ADGRB1: variants seen among roughly 807,000 people sequenced by gnomAD.
The protein encoded by ADGRB1 is adhesion G protein-coupled receptor B1.
A neutral mutation model predicts 175.7 loss-of-function variants in ADGRB1; 36 were observed. The observed-to-expected ratio is 0.20, with a 90% CI of 0.16 to 0.27. The LOEUF is 0.27. Ranked by LOEUF, ADGRB1 falls within the 10% of genes least tolerant of loss-of-function variation. The pLI, the probability that ADGRB1 is intolerant of heterozygous loss-of-function variation, is 1.00. For missense variants in ADGRB1, 1,731 were observed against 2,255.3 expected (o/e 0.77, Z 4.71); for synonymous variants, 1,054 against 979.4 (o/e 1.08, Z -1.42).
At chr8:142,452,582 C>T (rs1413659180) in intron 1 of ADGRB1, among the ~76,000 whole-genome samples, 1 of 152,210 alleles carries the variant, frequency 6.6e-6, no homozygotes, top group Non-Finnish European at 1.5e-5. Flanking sequence ...GCCCCCGACC[C>T]TCCGCACTTG....
intron 1 of ADGRB1, among the ~76,000 whole-genome samples, chr8:142,456,507 T>C (rs1233040099): frequency 1.3e-5 from 2 of 152,150 alleles, no homozygotes; most frequent in Non-Finnish European, 2.9e-5. Context: ...ACGCACATTC[T>C]GTTCCCCACT....
intron 22 of ADGRB1, 32 bp from the exon 23 acceptor site, chr8:142,524,206 C>T (rs769071583): frequency 3.3e-5 from 52 of 1,586,664 alleles, no homozygotes; most frequent in East Asian, 9.0e-5. Flanking sequence ...CCTCTGCACA[C>T]GGGCGGTGCT....
chr8:142,460,454 G>T (rs1308770101), intron 1 of ADGRB1, among the ~76,000 whole-genome samples: 1 of 152,232 alleles, frequency 6.6e-6, no homozygotes, highest in Non-Finnish European at 1.5e-5. Flanking sequence ...CTCTCCCAAG[G>T]CCTGGGCGGG....
chr8:142,492,595 T>G lies in ADGRB1; in HGVS notation c.2675+1780T>G, dbSNP rs1007340589. 6.6e-6 allele frequency among the ~76,000 whole-genome samples: 1 copy of G among 152,096 alleles called. No homozygotes were observed. The highest frequency in any genetic ancestry group is 1.5e-5 in the Non-Finnish European group (1 of 68,016). On this transcript the variant is annotated intron_variant, in intron 17 of 30. Transcript: ENST00000517894. The surrounding 1 kb of genome is among the most constrained non-coding windows in gnomAD (Gnocchi z 4.4). ...CGGGGCAAAGGCCTCAAGGTGGGAT[T>G]GGCAGGTCACACCAGGCTCCTGCCT...
At chr8:142,515,622 C>T (rs1843372109) in intron 18 of ADGRB1, among the ~76,000 whole-genome samples, 1 of 152,224 alleles carries the variant, frequency 6.6e-6, no homozygotes, top group African/African-American at 2.4e-5. Flanking sequence ...GAAACATTTA[C>T]TGGGGTCACC....
chr8:142,470,108 T>C (rs912847927), intron 2 of ADGRB1, among the ~76,000 whole-genome samples: 1 of 152,172 alleles, frequency 6.6e-6, no homozygotes, highest in African/African-American at 2.4e-5. Context: ...CGTCAGACTC[T>C]GCAAACACTC....
chr8:142,473,052 C>G (rs1221325795), intron 2 of ADGRB1, among the ~76,000 whole-genome samples: 1 of 152,052 alleles, frequency 6.6e-6, no homozygotes, highest in Non-Finnish European at 1.5e-5. Flanking sequence ...CCTGGGTCAC[C>G]AAGGTAACCA....
intron 17 of ADGRB1, among the ~76,000 whole-genome samples, chr8:142,499,567 G>C (rs79040342): frequency 6.6e-6 from 1 of 152,172 alleles, no homozygotes; most frequent in Non-Finnish European, 1.5e-5. Flanking sequence ...GGCCCCAGGC[G>C]CCTCAAAGGC....
chr8:142,465,795 G>A (rs1454227137), intron 2 of ADGRB1, among the ~76,000 whole-genome samples: 3 of 152,188 alleles, frequency 2.0e-5, no homozygotes, highest in African/African-American at 4.8e-5. Context: ...AAAGCTCTGC[G>A]AGAGGTGGGG....
At chr8:142,517,783 T>C (rs1409615743) in intron 18 of ADGRB1, among the ~76,000 whole-genome samples, 2 of 152,098 alleles carry the variant, frequency 1.3e-5, no homozygotes, top group Non-Finnish European at 2.9e-5. Flanking sequence ...GGCCTGGACC[T>C]GGCACCTCCC....
chr8:142,523,097 C>T (rs1456154252), intron 22 of ADGRB1, among the ~76,000 whole-genome samples: 1 of 152,194 alleles, frequency 6.6e-6, no homozygotes, highest in African/African-American at 2.4e-5. Flanking sequence ...AGTGGGCACA[C>T]CCCCCACAGC....
chr8:142,522,850 C>T, intron 22 of ADGRB1, 140 bp downstream of exon 22: 1 of 1,024,204 alleles, frequency 9.8e-7, no homozygotes, highest in Non-Finnish European at 1.3e-6. Context: ...GGGTGGGGCC[C>T]CAGGGGCTGG....
chr8:142,503,190 C>T (rs1247535387), intron 17 of ADGRB1, among the ~76,000 whole-genome samples: 2 of 152,018 alleles, frequency 1.3e-5, no homozygotes, highest in Non-Finnish European at 2.9e-5. Flanking sequence ...GTTAAGGAAC[C>T]AGAGCCCAGC....
Position 142,520,830 on chromosome 8 carries a change from C to G in ADGRB1, c.2929C>G (p.Arg977Gly). The G allele has an allele frequency of 1.2e-6, 2 of 1,613,478 alleles. No individual in the cohort carries two copies. Among genetic ancestry groups the G allele is most frequent in the South Asian group, 1.1e-5 (1 of 91,076 alleles). ...IIYVSVWRYI[R>G]SERSVILINF... ...CCCCTGCACTCTCCACAGGTACATTCGCTCAGAGCGTTCTGTCATCCTCAT... is the reference window on the plus strand; with the variant it reads ...CCCCTGCACTCTCCACAGGTACATTGGCTCAGAGCGTTCTGTCATCCTCAT... Residue 977 changes from arginine (R) to glycine (G), a missense_variant, in exon 20 of 31, where the codon CGC (arginine) becomes GGC (glycine). This residue lies in a region of ADGRB1 where 301 missense variants were observed against 488.4 expected (regional missense o/e 0.62). Transcript: ENST00000517894.
chr8:142,529,554 ATGTG>A (rs966348985), intron 24 of ADGRB1, among the ~76,000 whole-genome samples: 18 of 151,820 alleles, frequency 1.2e-4, no homozygotes, highest in African/African-American at 3.9e-4. Flanking sequence ...GCATGCATCT[ATGTG>A]TGTGAGTGCA....
chr8:142,544,362 G>T lies in ADGRB1; in HGVS notation c.4700G>T (p.Gly1567Val). The T allele has an allele frequency of 6.5e-7, 1 of 1,538,452 alleles. No individual in the cohort carries two copies. The highest frequency in any genetic ancestry group is 8.8e-7 in the Non-Finnish European group (1 of 1,140,706). The change falls in exon 31 of 31, where the codon GGC becomes GTC. Residue 1567 changes from glycine to valine, a missense_variant. Gly to Val is a moderately radical substitution (Grantham distance 109). Around this residue, in one of 8 missense-constraint regions of ADGRB1, gnomAD observed 394 missense variants for 410.2 expected, o/e 0.96. Coordinates refer to ENST00000517894, the MANE Select transcript of ADGRB1 (RefSeq NM_001702.3). Reference sequence around the variant, plus strand: ...CGCAGCGTGGAGTGGGAGAGGTCGGGCGCCACGATCCCGCTGGTGGGCCAG... The same window carrying T: ...CGCAGCGTGGAGTGGGAGAGGTCGGTCGCCACGATCCCGCTGGTGGGCCAG... ...ELRSVEWERSGATIPLVGQDI... is the reference protein window; with the variant it reads ...ELRSVEWERSVATIPLVGQDI...
At chr8:142,467,892 A>G (rs971383317) in intron 2 of ADGRB1, among the ~76,000 whole-genome samples, 1 of 152,240 alleles carries the variant, frequency 6.6e-6, no homozygotes, top group Admixed American at 6.5e-5. Context: ...TGACGATGAA[A>G]TATCAATATG....
rs1238334086 is a variant in ADGRB1 at position 142,543,302 on chromosome 8, A to G, written c.4414-101A>G. 6.7e-7 allele frequency: 1 copy of G among 1,492,914 alleles called. No homozygotes were observed. Among genetic ancestry groups the G allele is most frequent in the African/African-American group, 1.4e-5 (1 of 72,150 alleles). 92.5% of individuals were successfully genotyped at this position (1,492,914 alleles called of 1,614,324 possible). A position where few individuals can be genotyped will look rare whatever the true frequency, so the allele number is the denominator to read the frequency against. On this transcript the variant is annotated intron_variant, in intron 28 of 30. Transcript: ENST00000517894. This position sits in a 1 kb window ranked among gnomAD's most constrained non-coding sequence, Gnocchi z 4.4. ...TCTGGCCTGGTCCCTGAAGGCAGGCATGGGGCGAGTGAGTCCCTGATGCCC... is the reference window on the plus strand; with the variant it reads ...TCTGGCCTGGTCCCTGAAGGCAGGCGTGGGGCGAGTGAGTCCCTGATGCCC...
At chr8:142,450,932 T>C (rs1839310130) in intron 1 of ADGRB1, among the ~76,000 whole-genome samples, 1 of 151,994 alleles carries the variant, frequency 6.6e-6, no homozygotes, top group Admixed American at 6.5e-5. Flanking sequence ...CGCCGAGCAC[T>C]CCCGGGCGCC....
Sources: gnomAD v4.1 joint callset for allele counts (sites outside exome capture counted in the v4.1 genomes callset) on GRCh38, gnomAD v4.1.1 for gene constraint, gnomAD v4.1.1 regional missense constraint, Gnocchi (gnomAD v3.1) non-coding constraint, MANE v1.5 for transcripts, NCBI Gene and HGNC (gene_info 2026-07-23, HGNC 2026-07-21) for gene names.